Variants in ADAMTSL1 observed in about 807,000 individuals in gnomAD.
The protein encoded by ADAMTSL1 is ADAMTS like 1.
In ADAMTSL1, 126 loss-of-function variants were observed where a neutral mutation model predicts 201.8. The observed-to-expected ratio is 0.62, with a 90% CI of 0.54 to 0.72. The LOEUF (loss-of-function observed/expected upper bound fraction) is 0.72, where lower values mean the gene tolerates loss of function less well. Ranked by LOEUF, ADAMTSL1 falls within the 30% of genes least tolerant of loss-of-function variation. The pLI, the probability that ADAMTSL1 is intolerant of heterozygous loss-of-function variation, is 0.00. For synonymous variants in ADAMTSL1, 1,121 were observed against 903.4 expected (o/e 1.24, Z -4.32); for missense variants, 2,679 against 2,277.8 (o/e 1.18, Z -3.59).
intron 2 of ADAMTSL1, among the ~76,000 whole-genome samples, chr9:18,518,022 C>T (rs984947719): frequency 6.6e-6 from 1 of 152,088 alleles, no homozygotes; most frequent in Non-Finnish European, 1.5e-5. Flanking sequence ...TCCCTTCTTT[C>T]CTTCCTTCCT....
chr9:18,686,446 G>A (rs1830843508), intron 13 of ADAMTSL1, among the ~76,000 whole-genome samples: 1 of 152,144 alleles, frequency 6.6e-6, no homozygotes, highest in African/African-American at 2.4e-5. Flanking sequence ...TGATTTGACA[G>A]GCCTTTTTGT....
At chr9:18,554,859 G>A (rs184318558) in intron 3 of ADAMTSL1, among the ~76,000 whole-genome samples, 8 of 151,764 alleles carry the variant, frequency 5.3e-5, no homozygotes, top group African/African-American at 1.7e-4. Flanking sequence ...GAATTAATGA[G>A]CTACATTGAC....
At chr9:18,397,202 T>C (rs994163894) in intron 2 of ADAMTSL1, among the ~76,000 whole-genome samples, 8 of 152,164 alleles carry the variant, frequency 5.3e-5, no homozygotes, top group Non-Finnish European at 1.2e-4. Context: ...TGAAATGATT[T>C]TCTAATAGTC....
intron 2 of ADAMTSL1, among the ~76,000 whole-genome samples, chr9:18,313,736 A>C (rs1158909623): frequency 6.6e-6 from 1 of 152,146 alleles, no homozygotes; most frequent in Non-Finnish European, 1.5e-5. Flanking sequence ...AGTTTCCTAG[A>C]GGAAAGTATA....
intron 15 of ADAMTSL1, among the ~76,000 whole-genome samples, chr9:18,745,281 C>T (rs997895089): frequency 1.3e-5 from 2 of 152,176 alleles, no homozygotes; most frequent in African/African-American, 4.8e-5. Context: ...AAGCATTCTA[C>T]TCTAAGGTAG....
chr9:18,307,806 G>A (rs768554653), intron 2 of ADAMTSL1, among the ~76,000 whole-genome samples: 1 of 152,036 alleles, frequency 6.6e-6, no homozygotes, highest in African/African-American at 2.4e-5. Context: ...AATTAACAAG[G>A]ATATTTAGGA....
chr9:18,104,520 C>T (rs1401313849), intron 1 of ADAMTSL1, among the ~76,000 whole-genome samples: 1 of 152,094 alleles, frequency 6.6e-6, no homozygotes, highest in Non-Finnish European at 1.5e-5. Context: ...CTTGGGCTAC[C>T]TCTGGGAGCT....
intron 4 of ADAMTSL1, among the ~76,000 whole-genome samples, chr9:18,617,626 G>A (rs958102307): frequency 7.9e-5 from 12 of 152,060 alleles, no homozygotes; most frequent in Non-Finnish European, 1.0e-4. Flanking sequence ...AAGTGGCTGC[G>A]TATCTTTGTA....
At chr9:18,593,525 G>A (rs947748354) in intron 4 of ADAMTSL1, among the ~76,000 whole-genome samples, 3 of 151,516 alleles carry the variant, frequency 2.0e-5, no homozygotes, top group Admixed American at 1.3e-4. Flanking sequence ...CCTCTTTTTT[G>A]ATGTAGGTGC....
intron 1 of ADAMTSL1, among the ~76,000 whole-genome samples, chr9:18,147,826 A>G (rs1411794): frequency 0.81 from 122,592 of 151,986 alleles, 49,668 homozygotes; most frequent in Non-Finnish European, 0.86. Flanking sequence ...TTCAGAGCAC[A>G]TCATTATATT....
At chr9:18,530,696 A>T (rs1256220448) in intron 2 of ADAMTSL1, among the ~76,000 whole-genome samples, 9 of 152,190 alleles carry the variant, frequency 5.9e-5, no homozygotes. Context: ...TTTATCTAAC[A>T]TCTACATAAT....
chr9:18,448,711 G>A (rs994471091), intron 2 of ADAMTSL1, among the ~76,000 whole-genome samples: 1 of 152,014 alleles, frequency 6.6e-6, no homozygotes, highest in Admixed American at 6.6e-5. Flanking sequence ...TTAGACTCAT[G>A]CTATCATAAC....
chr9:18,520,220 G>A (rs1818610996), intron 2 of ADAMTSL1, among the ~76,000 whole-genome samples: 1 of 152,164 alleles, frequency 6.6e-6, no homozygotes, highest in Non-Finnish European at 1.5e-5. Context: ...AAGTGCAGAG[G>A]TGCTTTCCTT....
chr9:18,853,889 C>CTGTGTGTGTGTGTG (rs71333070), intron 23 of ADAMTSL1, among the ~76,000 whole-genome samples: 187 of 120,358 alleles, frequency 1.6e-3, no homozygotes, highest in Non-Finnish European at 2.2e-3. Flanking sequence ...TATTCACTCT[C>CTGTGTGTGTGTGTG]TGTGTGTGTG....
chr9:18,432,619 T>C (rs1322105097), intron 2 of ADAMTSL1, among the ~76,000 whole-genome samples: 2 of 152,184 alleles, frequency 1.3e-5, no homozygotes, highest in East Asian at 1.9e-4. Context: ...GAGCACTAGA[T>C]TGAACCAATA....
chr9:18,657,696 A>G lies in ADAMTSL1; in HGVS notation c.892A>G (p.Ile298Val). Residue 298 changes from isoleucine to valine, a missense_variant, in exon 8 of 29, where the codon ATC becomes GTC. Ile to Val is a conservative substitution (Grantham distance 29, BLOSUM62 3). Transcript: ENST00000380548. ...TVQFIFYQPI[I>V]HRWRETDFFP... Reference sequence around the variant, plus strand: ...CCAGTTCATCTTCTATCAACCCATCATCCACCGATGGAGGGAGACGGATTT... The same window carrying G: ...CCAGTTCATCTTCTATCAACCCATCGTCCACCGATGGAGGGAGACGGATTT... 1 of 1,614,188 alleles carries G rather than the reference A, an allele frequency of 6.2e-7. No individual in the cohort carries two copies. The highest frequency in any genetic ancestry group is 8.5e-7 in the Non-Finnish European group (1 of 1,180,034).
At chr9:18,712,493 G>C (rs957407366) in intron 14 of ADAMTSL1, among the ~76,000 whole-genome samples, 17 of 151,952 alleles carry the variant, frequency 1.1e-4, no homozygotes, top group Non-Finnish European at 1.5e-5. Flanking sequence ...GGAAGAAAGG[G>C]TATCAGCGAT....
chr9:18,179,335 A>C (rs1179233392), intron 2 of ADAMTSL1, among the ~76,000 whole-genome samples: 1 of 152,192 alleles, frequency 6.6e-6, no homozygotes, highest in East Asian at 1.9e-4. Context: ...AAAAAAGAAT[A>C]AAAAGAAACG....
chr9:17,956,971 T>C (rs879017045), intron 1 of ADAMTSL1, among the ~76,000 whole-genome samples: 1 of 152,188 alleles, frequency 6.6e-6, no homozygotes, highest in Non-Finnish European at 1.5e-5. Flanking sequence ...CTTTGGTGCC[T>C]GTTAATTGTT....
Sources: allele counts gnomAD v4.1 joint callset (sites outside exome capture counted in the v4.1 genomes callset), GRCh38; gene constraint gnomAD v4.1.1; transcripts MANE v1.5; gene names NCBI Gene and HGNC (gene_info 2026-07-23, HGNC 2026-07-21).